Variants in FBLN5 observed in about 807,000 individuals in gnomAD.
FBLN5 encodes the protein fibulin-5.
Under a neutral mutation model 61.6 loss-of-function variants are expected in FBLN5, and 24 were observed. The ratio of observed to expected loss-of-function variants is 0.39; its 90% confidence interval spans 0.28 to 0.55. The LOEUF is 0.55. Ranked by LOEUF, FBLN5 falls within the 20% of genes least tolerant of loss-of-function variation. FBLN5 has a pLI of 0.65. For missense variants in FBLN5, 470 were observed against 594.1 expected, an observed-to-expected ratio of 0.79 and a Z score of 2.17; for synonymous variants, 213 against 219.8, an observed-to-expected ratio of 0.97 and a Z score of 0.27.
In FBLN5 at chr14:91,891,141, C is replaced by T; in HGVS notation, c.619+80G>A. The T allele has an allele frequency of 3.6e-6, 3 of 845,030 alleles. No homozygotes were observed. In the South Asian group the frequency reaches 4.0e-5, roughly 11 times the overall value. 52.3% of individuals were successfully genotyped at this position (845,030 alleles called of 1,614,324 possible). ...TATACTGTAGCAGCAGTATTTCCCACAAACATAAGCTGCCAGGTGCTGAAG... is the reference window on the plus strand; with the variant it reads ...TATACTGTAGCAGCAGTATTTCCCATAAACATAAGCTGCCAGGTGCTGAAG... On this transcript the variant is annotated intron_variant, in intron 6 of 10. Transcript: ENST00000342058.
intron 1 of FBLN5, chr14:91,946,827 T>C (rs1326181806): frequency 6.5e-7 from 1 of 1,529,964 alleles, no homozygotes; most frequent in African/African-American, 1.4e-5. Flanking sequence ...TGCTTGTCTA[T>C]CAGCCGATGC....
chr14:91,874,201 G>A (rs1431065072), intron 10 of FBLN5: 1 of 152,186 alleles, frequency 6.6e-6, no homozygotes, highest in Non-Finnish European at 1.5e-5. Context: ...GGGTGTGAGA[G>A]CCTGGATGGC....
intron 3 of FBLN5, among the ~76,000 whole-genome samples, chr14:91,937,849 A>AAAAC (rs899947001): frequency 6.6e-6 from 1 of 152,224 alleles, no homozygotes; most frequent in Non-Finnish European, 1.5e-5. Context: ...AGAACGGACT[A>AAAAC]AAACAAACCT....
At chr14:91,910,592 T>C (rs1473275699) in intron 4 of FBLN5, among the ~76,000 whole-genome samples, 1 of 152,238 alleles carries the variant, frequency 6.6e-6, no homozygotes, top group Non-Finnish European at 1.5e-5. Flanking sequence ...TTCTAAGTTC[T>C]ATAAACTGTT....
chr14:91,902,856 A>C (rs551483052), intron 4 of FBLN5, among the ~76,000 whole-genome samples: 1 of 152,300 alleles, frequency 6.6e-6, no homozygotes, highest in East Asian at 1.9e-4. Context: ...GTTTTCAAAA[A>C]TCAAGCAGCA....
intron 3 of FBLN5, among the ~76,000 whole-genome samples, chr14:91,938,042 A>G (rs2056048235): frequency 6.6e-6 from 1 of 152,266 alleles, no homozygotes. Context: ...CATCTAATAC[A>G]TCAAGGATCC....
chr14:91,878,449 A>T (rs1315243547), intron 9 of FBLN5, among the ~76,000 whole-genome samples: 2 of 152,028 alleles, frequency 1.3e-5, no homozygotes, highest in African/African-American at 4.8e-5. Flanking sequence ...TCTGTCTCTG[A>T]CCCTGCCCTG....
At position 91,870,027 on chromosome 14, in the gene FBLN5, T is replaced by C; in HGVS notation, c.*197A>G. 1.6e-6 allele frequency: 1 copy of C among 635,142 alleles called. No individual in the cohort carries two copies. Among genetic ancestry groups the C allele is most frequent in the Admixed American group, 2.3e-5 (1 of 44,038 alleles). 39.3% of individuals were successfully genotyped at this position (635,142 alleles called of 1,614,324 possible). ...TTTTTGATAACTGTGTCATAGGAAC[T>C]GGGGGTGGCAAGTCCTGCAGGGTGA... is the stretch of plus-strand genomic sequence containing the variant. On this transcript the variant is annotated 3_prime_UTR_variant, in exon 11 of 11. Transcript: ENST00000342058.
chr14:91,886,140 A>G (rs923063372), intron 7 of FBLN5, among the ~76,000 whole-genome samples: 2 of 152,242 alleles, frequency 1.3e-5, no homozygotes, highest in African/African-American at 2.4e-5. Context: ...GAAACTTTCC[A>G]TTCTGCAGGA....
chr14:91,871,235 A>AAT (rs1214554849), intron 10 of FBLN5, among the ~76,000 whole-genome samples: 1 of 151,700 alleles, frequency 6.6e-6, no homozygotes, highest in African/African-American at 2.4e-5. Context: ...AAAAAAAAAA[A>AAT]AAAGGCATCA....
rs1890641656 is a variant in FBLN5 at position 91,905,388 on chromosome 14, A to G, written c.380-10316T>C. 3.9e-5 allele frequency among the ~76,000 whole-genome samples: 6 copies of G among 152,258 alleles called. No homozygotes were observed. In the South Asian group the frequency reaches 1.2e-3, roughly 32 times the overall value. The stretch of plus-strand genomic sequence containing the variant: ...CGCTGCAGAGGGCTGGGAACACACA[A>G]CAGGGTGTGTCATGAAGCTGCTAAC... On this transcript the variant is annotated intron_variant, in intron 4 of 10. Coordinates refer to ENST00000342058, the MANE Select transcript of FBLN5 (RefSeq NM_006329.4).
At chr14:91,921,571 G>A (rs1336993345) in intron 4 of FBLN5, among the ~76,000 whole-genome samples, 1 of 152,182 alleles carries the variant, frequency 6.6e-6, no homozygotes, top group Non-Finnish European at 1.5e-5. Context: ...CAGACCTACT[G>A]AGTCAGAAAC....
rs117278067 is a variant in FBLN5, at chr14:91,928,670, G to C, written c.379+8277C>G. Among the ~76,000 whole-genome samples, 1,051 of 152,228 alleles carry C rather than the reference G, an allele frequency of 6.9e-3. 2 individuals are homozygous for C. The highest frequency in any genetic ancestry group is 8.9e-3 in the Non-Finnish European group (606 of 68,018). The stretch of plus-strand genomic sequence containing the variant: ...ACTGGTAGTCCCAGCTACTCGGGAG[G>C]CTGAGATGGGAGGGTCACTTATGCC... On this transcript the variant is annotated intron_variant, in intron 4 of 10. Coordinates refer to ENST00000342058, the MANE Select transcript of FBLN5 (RefSeq NM_006329.4).
chr14:91,939,866 T>A, intron 3 of FBLN5: 3 of 436,882 alleles, frequency 6.9e-6, no homozygotes, highest in Non-Finnish European at 1.4e-5. Flanking sequence ...ATGGGGAGGT[T>A]ATCCTGGATT....
At chr14:91,889,603 A>T (rs2430355) in intron 6 of FBLN5, among the ~76,000 whole-genome samples, 16 of 152,204 alleles carry the variant, frequency 1.1e-4, no homozygotes, top group African/African-American at 1.4e-4. Context: ...GCTGACCTCA[A>T]GAGGCTATTT....
At position 91,869,836 on chromosome 14, in the gene FBLN5, GAGA is replaced by G. The variant is rs1888835384; in HGVS notation, c.*385_*387del. 5 of 327,540 alleles carry G rather than the reference GAGA, an allele frequency of 1.5e-5. No homozygotes were observed. The highest frequency in any genetic ancestry group is 3.0e-5 in the Non-Finnish European group (5 of 167,436). 20.3% of individuals were successfully genotyped at this position (327,540 alleles called of 1,614,324 possible). A position where few individuals can be genotyped will look rare whatever the true frequency, so the allele number is the denominator to read the frequency against. ...TCTTTGCAAAGCAGTAACACAGTGA[GAGA>G]AGGAGTGGAAGAGGTGAAGAAGTGA... On this transcript the variant is annotated 3_prime_UTR_variant, in exon 11 of 11. Coordinates refer to ENST00000342058, the MANE Select transcript of FBLN5 (RefSeq NM_006329.4).
chr14:91,921,042 A>G (rs2055725302), intron 4 of FBLN5, among the ~76,000 whole-genome samples: 1 of 152,212 alleles, frequency 6.6e-6, no homozygotes, highest in Non-Finnish European at 1.5e-5. Context: ...GTTCTATGCA[A>G]GCCAGTCACG....
chr14:91,889,687 G>T (rs531501603), intron 6 of FBLN5, among the ~76,000 whole-genome samples: 5 of 152,368 alleles, frequency 3.3e-5, no homozygotes, highest in African/African-American at 1.2e-4. Flanking sequence ...CACACGAAGA[G>T]TCAGGATTGC....
chr14:91,890,765 G>C (rs553879558), intron 6 of FBLN5, among the ~76,000 whole-genome samples: 47 of 152,278 alleles, frequency 3.1e-4, no homozygotes, highest in African/African-American at 1.1e-3. Flanking sequence ...AGTATAGCAA[G>C]AGACCTCAGA....
Sources: allele counts gnomAD v4.1 joint callset (sites outside exome capture counted in the v4.1 genomes callset), GRCh38; gene constraint gnomAD v4.1.1; transcripts MANE v1.5; gene names NCBI Gene and HGNC (gene_info 2026-07-23, HGNC 2026-07-21).